Variants in IMPG1 observed in about 807,000 individuals in gnomAD.
The protein encoded by IMPG1 is interphotoreceptor matrix proteoglycan 1.
A neutral mutation model predicts 92.0 loss-of-function variants in IMPG1; 85 were observed. That is an observed-to-expected ratio of 0.92 (90% CI 0.78 to 1.11). The LOEUF (loss-of-function observed/expected upper bound fraction) is 1.11. IMPG1 is among the 50% of genes least tolerant of loss of function. The pLI is 0.00. For synonymous variants in IMPG1, 367 were observed against 334.1 expected (o/e 1.10, Z -1.08); for missense variants, 1,022 against 956.0 (o/e 1.07, Z -0.91).
At chr6:75,963,502 T>C (rs1271246917) in intron 12 of IMPG1, among the ~76,000 whole-genome samples, 1 of 152,186 alleles carries the variant, frequency 6.6e-6, no homozygotes, top group Non-Finnish European at 1.5e-5. Flanking sequence ...TTATAAGAAA[T>C]AATACAGAGA....
Position 76,005,436 on chromosome 6 carries a change from T to A in IMPG1, c.986A>T (p.Lys329Ile). The A allele has an allele frequency of 6.2e-7, 1 of 1,614,072 alleles. No individual in the cohort carries two copies. The highest frequency in any genetic ancestry group is 8.5e-7 in the Non-Finnish European group (1 of 1,179,964). ...ATGATAGACTTCCTCACTTTCAATT[T>A]TGTTGGAATCAAAAGACAGGAGGTC... ...ASDLLSFDSN[K>I]IESEEVYHGT... Residue 329 changes from lysine to isoleucine, a missense_variant, in exon 10 of 17, where the codon AAA becomes ATA. Around this residue, in one of 3 missense-constraint regions of IMPG1, gnomAD observed 681 missense variants for 583.6 expected, o/e 1.17. Coordinates refer to ENST00000369950, the MANE Select transcript of IMPG1 (RefSeq NM_001563.4).
At chr6:76,009,516 T>C (rs1324676908) in intron 8 of IMPG1, among the ~76,000 whole-genome samples, 2 of 152,218 alleles carry the variant, frequency 1.3e-5, no homozygotes, top group Non-Finnish European at 2.9e-5. Flanking sequence ...CTGAGCATCA[T>C]TATTAATGGT....
Position 75,924,633 on chromosome 6 carries a change from T to TATAATTA in IMPG1, c.2244-928_2244-927insTAATTAT, listed in dbSNP as rs1289701084. Among the ~76,000 whole-genome samples, 19 of 27,882 alleles carry TATAATTA rather than the reference T, an allele frequency of 6.8e-4. 5 individuals are homozygous for TATAATTA. The highest frequency in any genetic ancestry group is 2.4e-3 in the African/African-American group (17 of 7,048). 18.3% of individuals were successfully genotyped at this position (27,882 alleles called of 152,430 possible). A position where few individuals can be genotyped will look rare whatever the true frequency, so the allele number is the denominator to read the frequency against. On this transcript the variant is annotated intron_variant, in intron 15 of 16. Transcript: ENST00000369950. ...TATATATAATATATAATAAATTATA[T>TATAATTA]ATTATATATAATTAATTATATATAA...
intron 2 of IMPG1, 92 bp from the exon 3 acceptor site, chr6:76,034,879 G>T: frequency 2.8e-6 from 3 of 1,079,252 alleles, no homozygotes; most frequent in Non-Finnish European, 4.1e-6. Context: ...TTATTTCATG[G>T]CTTATGTCGA....
chr6:75,931,214 G>T, intron 14 of IMPG1, 63 bp from the exon 15 acceptor site: 2 of 1,484,210 alleles, frequency 1.3e-6, no homozygotes, highest in East Asian at 2.4e-5. Flanking sequence ...ACTGGCAGCA[G>T]TCAAAGGCAA....
intron 1 of IMPG1, among the ~76,000 whole-genome samples, chr6:76,053,674 T>C (rs1784077629): frequency 6.6e-6 from 1 of 152,118 alleles, no homozygotes; most frequent in South Asian, 2.1e-4. Context: ...AAAATTTGTA[T>C]CATCCGATTC....
At chr6:76,066,186 A>T (rs1784307529) in intron 1 of IMPG1, among the ~76,000 whole-genome samples, 1 of 152,150 alleles carries the variant, frequency 6.6e-6, no homozygotes. Context: ...ATTAGGTAAC[A>T]GTTAACAGTA....
At chr6:76,050,694 C>A (rs1357141047) in intron 1 of IMPG1, among the ~76,000 whole-genome samples, 2 of 152,180 alleles carry the variant, frequency 1.3e-5, no homozygotes, top group African/African-American at 4.8e-5. Flanking sequence ...ATTTCAGGCT[C>A]AGCTTTGCCC....
intron 14 of IMPG1, among the ~76,000 whole-genome samples, chr6:75,935,278 T>A (rs2149451867): frequency 6.6e-6 from 1 of 152,306 alleles, no homozygotes; most frequent in South Asian, 2.1e-4. Flanking sequence ...CCATTATTAC[T>A]CCGTGATTAC....
chr6:76,060,046 C>T (rs1455902150), intron 1 of IMPG1, among the ~76,000 whole-genome samples: 3 of 152,152 alleles, frequency 2.0e-5, no homozygotes, highest in African/African-American at 4.8e-5. Flanking sequence ...TTTTGAGGTT[C>T]TGACTTTTCT....
chr6:76,022,741 T>A (rs1783454989), intron 5 of IMPG1, among the ~76,000 whole-genome samples: 1 of 152,234 alleles, frequency 6.6e-6, no homozygotes, highest in Admixed American at 6.5e-5. Context: ...TGTTTTGATA[T>A]TTTTAAAGAT....
intron 12 of IMPG1, among the ~76,000 whole-genome samples, chr6:75,983,590 G>A (rs1282930149): frequency 1.3e-5 from 2 of 152,092 alleles, no homozygotes; most frequent in African/African-American, 4.8e-5. Flanking sequence ...ATGGATTAAA[G>A]ACTTAAATGT....
At chr6:75,930,914 T>G in intron 15 of IMPG1, 39 bp downstream of exon 15, 197 of 1,534,222 alleles carry the variant, frequency 1.3e-4, no homozygotes, top group Non-Finnish European at 1.6e-4. Context: ...GTGTAAGTAA[T>G]GAGTTCTTGA....
chr6:75,961,012 T>C (rs7770195), intron 12 of IMPG1, among the ~76,000 whole-genome samples: 3 of 152,126 alleles, frequency 2.0e-5, no homozygotes, highest in Non-Finnish European at 1.5e-5. Context: ...CCACAAATGA[T>C]ATGGTCCAAC....
intron 8 of IMPG1, 37 bp downstream of exon 8, chr6:76,011,129 A>G (rs933176810): frequency 2.7e-6 from 3 of 1,113,740 alleles, no homozygotes; most frequent in Non-Finnish European, 1.4e-6. Context: ...GAAGAAAGTA[A>G]TTTAAAAATT....
intron 5 of IMPG1, among the ~76,000 whole-genome samples, chr6:76,023,395 G>C (rs2149484216): frequency 6.6e-6 from 1 of 152,212 alleles, no homozygotes; most frequent in South Asian, 2.1e-4. Flanking sequence ...TACTTAGCTG[G>C]TACCCTAGAA....
intron 14 of IMPG1, among the ~76,000 whole-genome samples, chr6:75,942,535 T>C (rs1781852026): frequency 6.6e-6 from 1 of 152,160 alleles, no homozygotes; most frequent in South Asian, 2.1e-4. Flanking sequence ...TAAATTGGAA[T>C]TTGAGTCCTT....
chr6:75,950,281 A>T (rs923436789), intron 13 of IMPG1, among the ~76,000 whole-genome samples: 2 of 152,112 alleles, frequency 1.3e-5, no homozygotes, highest in African/African-American at 4.8e-5. Context: ...TTATTCCTGG[A>T]TTCACTAAGT....
Position 75,927,036 on chromosome 6 carries a change from A to C in IMPG1, c.2244-3330T>G, listed in dbSNP as rs144308341. ...AGCTAAATTTACAGTTCTTTAGAGAACGCTGTTTTCAAAGTTGCAGCACTT... is the reference window on the plus strand; with the variant it reads ...AGCTAAATTTACAGTTCTTTAGAGACCGCTGTTTTCAAAGTTGCAGCACTT... On this transcript the variant is annotated intron_variant, in intron 15 of 16. Transcript: ENST00000369950. Among the ~76,000 whole-genome samples, 533 of 152,318 alleles carry C rather than the reference A, an allele frequency of 3.5e-3. 3 individuals are homozygous for C. The highest frequency in any genetic ancestry group is 5.6e-3 in the Non-Finnish European group (383 of 68,040).
Sources: gnomAD v4.1 joint callset for allele counts (sites outside exome capture counted in the v4.1 genomes callset) on GRCh38, gnomAD v4.1.1 for gene constraint, gnomAD v4.1.1 regional missense constraint, MANE v1.5 for transcripts, NCBI Gene and HGNC (gene_info 2026-07-23, HGNC 2026-07-21) for gene names.